Variants in FNDC9 observed in about 807,000 individuals in gnomAD.
The protein encoded by FNDC9 is fibronectin type III domain containing 9.
Under a neutral mutation model 9.0 loss-of-function variants are expected in FNDC9, and 3 were observed. The ratio of observed to expected loss-of-function variants is 0.33; its 90% confidence interval spans 0.15 to 0.86. The LOEUF (loss-of-function observed/expected upper bound fraction) is 0.86, where lower values mean the gene tolerates loss of function less well. FNDC9 is among the 40% of genes least tolerant of loss of function. The probability of loss-of-function intolerance (pLI) is 0.53; values close to 1 mark genes in which losing one functional copy is unlikely to be tolerated. For missense variants in FNDC9, 279 were observed against 287.2 expected, an observed-to-expected ratio of 0.97 and a Z score of 0.21; for synonymous variants, 114 against 115.6, an observed-to-expected ratio of 0.99 and a Z score of 0.09.
Position 157,343,098 on chromosome 5 carries a change from A to G in FNDC9, c.439T>C (p.Tyr147His), listed in dbSNP as rs1348700753. The G allele has an allele frequency of 4.3e-6, 7 of 1,614,084 alleles. No individual in the cohort carries two copies. Among genetic ancestry groups the G allele is most frequent in the Non-Finnish European group, 5.1e-6 (6 of 1,180,024 alleles). ...CVRCHEPRWS[Y>H]RAGHMEEANG... Reference sequence around the variant, plus strand: ...GCCTCCTCCATGTGGCCAGCCCTGTAAGACCATCGCGGCTCATGGCAACGG... The same window carrying G: ...GCCTCCTCCATGTGGCCAGCCCTGTGAGACCATCGCGGCTCATGGCAACGG... The change falls in exon 2 of 2, where the codon TAC becomes CAC. Residue 147 changes from tyrosine to histidine, a missense_variant. Physicochemically the swap from Tyr to His is moderately conservative, Grantham distance 83 (BLOSUM62 2). Coordinates refer to ENST00000312349, the MANE Select transcript of FNDC9 (RefSeq NM_001001343.4).
Position 157,343,281 on chromosome 5 carries a change from T to C in FNDC9, c.256A>G (p.Arg86Gly), listed in dbSNP as rs370475872. 6.2e-6 allele frequency: 10 copies of C among 1,614,016 alleles called. No individual in the cohort carries two copies. Among genetic ancestry groups the C allele is most frequent in the Non-Finnish European group, 8.5e-6 (10 of 1,180,022 alleles). The part of the protein sequence containing the change: ...ISCKKAAFPY[R>G]HYCTMFHTLD... ...GTGTGGAACATGGTGCAGTAGTGCC[T>C]GTAAGGGAAGGCAGCCTTCTTACAG... Residue 86 changes from arginine (R) to glycine (G), a missense_variant, in exon 2 of 2, where the codon AGG (arginine) becomes GGG (glycine). Physicochemically the swap from Arg to Gly is moderately radical, Grantham distance 125. Transcript: ENST00000312349.
Position 157,343,039 on chromosome 5 carries a change from C to A in FNDC9, c.498G>T (p.Pro166=), listed in dbSNP as rs540389707. 21 of 1,614,188 alleles carry A rather than the reference C, an allele frequency of 1.3e-5. No individual in the cohort carries two copies. In the East Asian group the frequency reaches 4.0e-4, roughly 31 times the overall value. Residue 166 remains proline, a synonymous_variant, in exon 2 of 2, where the codon CCG becomes CCT. Coordinates refer to ENST00000312349, the MANE Select transcript of FNDC9 (RefSeq NM_001001343.4). ...GGTCTTCCTCCCTCTGACCAAGATC[C>A]GGGGCCTCCTCTGGCCATCTCACCA... ...NGLVRWPEEA[P]DLGQREEDLQ... is the part of the protein sequence containing the mutation.
Position 157,342,874 on chromosome 5 carries a change from A to G in FNDC9, c.663T>C (p.His221=). Residue 221 remains histidine, a synonymous_variant, in exon 2 of 2, where the codon CAT becomes CAC. Transcript: ENST00000312349. The stretch of plus-strand genomic sequence containing the variant: ...CTCCTCCCCACTCTCATTCCCCACA[A>G]TGAGGCAGTATAGCGGGTGGGTCAC... ...GGGDPPAILP[H]CGE The G allele has an allele frequency of 6.2e-7, 1 of 1,612,236 alleles. No individual in the cohort carries two copies. The highest frequency in any genetic ancestry group is 1.1e-5 in the South Asian group (1 of 90,816).
rs1762313990 is a variant in FNDC9, at chr5:157,342,126, C to CTAAGTGATTATTT, written c.*735_*736insAAATAATCACTTA. 2 of 152,702 alleles carry CTAAGTGATTATTT rather than the reference C, an allele frequency of 1.3e-5. No individual in the cohort carries two copies. The highest frequency in any genetic ancestry group is 3.9e-4 in the East Asian group (2 of 5,188). 9.5% of individuals were successfully genotyped at this position (152,702 alleles called of 1,614,324 possible). A position where few individuals can be genotyped will look rare whatever the true frequency, so the allele number is the denominator to read the frequency against. ...CATTAAGCTCAGAATCACTGGCAGGCAATAGAAGCTAAGTCAGATTATTTA... is the reference window on the plus strand; with the variant it reads ...CATTAAGCTCAGAATCACTGGCAGGCTAAGTGATTATTTAATAGAAGCTAAGTCAGATTATTTA... On this transcript the variant is annotated 3_prime_UTR_variant, in exon 2 of 2. Transcript: ENST00000312349.
chr5:157,345,430 C>T (rs1417991345), intron 1 of FNDC9, 111 bp downstream of exon 1: 2 of 152,538 alleles, frequency 1.3e-5, no homozygotes, highest in African/African-American at 2.4e-5. Flanking sequence ...CCTCTGTTTC[C>T]GTTTCTAAAT....
In FNDC9 at chr5:157,342,994, C is replaced by T; in HGVS notation, c.543G>A (p.Val181=). ...CTCTGGAGTTCTTGCGTGGCATTTC[C>T]ACCAGGGGGAGCCCCTGCAGGTCTT... is the stretch of plus-strand genomic sequence containing the variant. ...REEDLQGLPL[V]EMPRKNSRDG... is the part of the protein sequence containing the mutation. The change falls in exon 2 of 2, where the codon GTG becomes GTA. Residue 181 remains valine (V), a synonymous_variant. Coordinates refer to ENST00000312349, the MANE Select transcript of FNDC9 (RefSeq NM_001001343.4). The T allele has an allele frequency of 6.2e-7, 1 of 1,614,230 alleles. No individual in the cohort carries two copies. The highest frequency in any genetic ancestry group is 1.7e-5 in the Admixed American group (1 of 60,026).
rs761546922 is a variant in FNDC9 at position 157,341,761 on chromosome 5, G to C, written c.*1101C>G. The C allele has an allele frequency of 6.4e-6, 1 of 155,722 alleles. No individual in the cohort carries two copies. The highest frequency in any genetic ancestry group is 2.0e-4 in the South Asian group (1 of 5,126). The allele number at this position is 155,722 out of a possible 1,614,324, so 9.6% of individuals were successfully genotyped here. A position where few individuals can be genotyped will look rare whatever the true frequency, so the allele number is the denominator to read the frequency against. ...TTCTTAGTTGATTCACTGCAGTGTC[G>C]TCCTGTGATTCTGGGATTTTGTGCT... On this transcript the variant is annotated 3_prime_UTR_variant, in exon 2 of 2. Transcript: ENST00000312349.
chr5:157,342,825 T>G lies in FNDC9; in HGVS notation c.*37A>C. ...ACAAACGACCTACTGTGTGGAAAGCTTTAGGCTACATGATGCGGGCGCTCT... is the reference window on the plus strand; with the variant it reads ...ACAAACGACCTACTGTGTGGAAAGCGTTAGGCTACATGATGCGGGCGCTCT... On this transcript the variant is annotated 3_prime_UTR_variant, in exon 2 of 2. Coordinates refer to ENST00000312349, the MANE Select transcript of FNDC9 (RefSeq NM_001001343.4). The G allele has an allele frequency of 6.4e-7, 1 of 1,573,910 alleles. No individual in the cohort carries two copies. Among genetic ancestry groups the G allele is most frequent in the Non-Finnish European group, 8.6e-7 (1 of 1,159,502 alleles).
In FNDC9 at chr5:157,343,561, G is replaced by A; in HGVS notation, c.-7-18C>T. 1 of 1,520,564 alleles carries A rather than the reference G, an allele frequency of 6.6e-7. No homozygotes were observed. The highest frequency in any genetic ancestry group is 2.3e-5 in the East Asian group (1 of 43,998). The allele number at this position is 1,520,564 out of a possible 1,614,324, so 94.2% of individuals were successfully genotyped here. A position where few individuals can be genotyped will look rare whatever the true frequency, so the allele number is the denominator to read the frequency against. On this transcript the variant is annotated intron_variant, in intron 1 of 1. Transcript: ENST00000312349. ...TCCCGATTCTGGAACCAGAATCAAA[G>A]TGAAGAGTGACATCCCCTGATTTAA...
At position 157,343,523 on chromosome 5, in the gene FNDC9, A is replaced by C; in HGVS notation, c.14T>G (p.Val5Gly). Reference sequence around the variant, plus strand: ...GGCTCCTGTATAAGAAATGTTCCCCACCTCGATGTTCATCCCGATTCTGGA... The same window carrying C: ...GGCTCCTGTATAAGAAATGTTCCCCCCCTCGATGTTCATCCCGATTCTGGA... MNIE[V>G]GNISYTGAII... The change falls in exon 2 of 2, where the codon GTG becomes GGG. Residue 5 changes from valine to glycine, a missense_variant. Physicochemically the swap from Val to Gly is moderately radical, Grantham distance 109. Coordinates refer to ENST00000312349, the MANE Select transcript of FNDC9 (RefSeq NM_001001343.4). The C allele has an allele frequency of 6.4e-7, 1 of 1,559,790 alleles. No homozygotes were observed. The highest frequency in any genetic ancestry group is 8.7e-7 in the Non-Finnish European group (1 of 1,148,842).
Position 157,343,454 on chromosome 5 carries a change from T to C in FNDC9, c.83A>G (p.Tyr28Cys). 1 of 1,612,614 alleles carries C rather than the reference T, an allele frequency of 6.2e-7. No homozygotes were observed. Among genetic ancestry groups the C allele is most frequent in the Non-Finnish European group, 8.5e-7 (1 of 1,178,782 alleles). Reference sequence around the variant, plus strand: ...CCAGTTGGGCCTGTACATAATATGGTAATAGTCCTCCAGGCAGGGCTCCGA... The same window carrying C: ...CCAGTTGGGCCTGTACATAATATGGCAATAGTCCTCCAGGCAGGGCTCCGA... ...SSSEPCLEDYYHIMYRPNWNS... is the reference protein window; with the variant it reads ...SSSEPCLEDYCHIMYRPNWNS... The change falls in exon 2 of 2, where the codon TAC (tyrosine) becomes TGC (cysteine). Residue 28 changes from tyrosine to cysteine, a missense_variant. Transcript: ENST00000312349.
Position 157,343,634 on chromosome 5 carries a change from C to T in FNDC9, c.-7-91G>A, listed in dbSNP as rs78553777. 643 of 1,030,036 alleles carry T rather than the reference C, an allele frequency of 6.2e-4. 5 individuals carry two copies. In the East Asian group the frequency reaches 0.012, roughly 19 times the overall value. The allele number at this position is 1,030,036 out of a possible 1,614,324, so 63.8% of individuals were successfully genotyped here. A position where few individuals can be genotyped will look rare whatever the true frequency, so the allele number is the denominator to read the frequency against. ...GCCACCATTTATTGCACATTTGAGA[C>T]GGGCACTCATGTTGCCCTCATCTTA... On this transcript the variant is annotated intron_variant, in intron 1 of 1. Transcript: ENST00000312349.
rs941505970 is a variant in FNDC9, at chr5:157,345,525, C to T, written c.-8+16G>A. ...AGCCATTTCCATTTCCAAGAAGAGC[C>T]ATCTATATGTCTTACCTGATGCTTG... On this transcript the variant is annotated intron_variant, in intron 1 of 1. Coordinates refer to ENST00000312349, the MANE Select transcript of FNDC9 (RefSeq NM_001001343.4). 5 of 152,594 alleles carry T rather than the reference C, an allele frequency of 3.3e-5. No homozygotes were observed. Among genetic ancestry groups the T allele is most frequent in the Non-Finnish European group, 7.3e-5 (5 of 68,048 alleles). 9.5% of individuals were successfully genotyped at this position (152,594 alleles called of 1,614,324 possible). A position where few individuals can be genotyped will look rare whatever the true frequency, so the allele number is the denominator to read the frequency against.
rs1192324416 is a variant in FNDC9, at chr5:157,343,172, G to A, written c.365C>T (p.Ala122Val). 6.2e-7 allele frequency: 1 copy of A among 1,614,118 alleles called. No individual in the cohort carries two copies. The highest frequency in any genetic ancestry group is 1.7e-5 in the Admixed American group (1 of 60,014). The change falls in exon 2 of 2, where the codon GCC becomes GTC. Residue 122 changes from alanine (A) to valine (V), a missense_variant. Physicochemically the swap from Ala to Val is moderately conservative, Grantham distance 64. Coordinates refer to ENST00000312349, the MANE Select transcript of FNDC9 (RefSeq NM_001001343.4). ...GAAGGCCAAGACGGCTGTGAAGCAG[G>A]CCAGCAGAATGGCCATCAGCACCCA... ...SLWVLMAILL[A>V]CFTAVLAFIC...
rs74356688 is a variant in FNDC9 at position 157,341,958 on chromosome 5, G to A, written c.*904C>T. ...CATGGCATTTAACTAACACTGACTC[G>A]CAAAGTAAAAACAGCACTTCCCTTT... is the stretch of plus-strand genomic sequence containing the variant. On this transcript the variant is annotated 3_prime_UTR_variant, in exon 2 of 2. Transcript: ENST00000312349. 0.031 allele frequency: 4,703 copies of A among 152,384 alleles called. 108 individuals are homozygous for A. Among genetic ancestry groups the A allele is most frequent in the South Asian group, 0.05 (242 of 4,820 alleles). 9.4% of individuals were successfully genotyped at this position (152,384 alleles called of 1,614,324 possible). A position where few individuals can be genotyped will look rare whatever the true frequency, so the allele number is the denominator to read the frequency against.
At position 157,342,997 on chromosome 5, in the gene FNDC9, C is replaced by A. The variant is rs1288739840; in HGVS notation, c.540G>T (p.Leu180=). Residue 180 remains leucine (L), a synonymous_variant, in exon 2 of 2, where the codon CTG becomes CTT. Transcript: ENST00000312349. ...TGGAGTTCTTGCGTGGCATTTCCAC[C>A]AGGGGGAGCCCCTGCAGGTCTTCCT... ...QREEDLQGLP[L]VEMPRKNSRD... is the part of the protein sequence containing the mutation. The A allele has an allele frequency of 6.2e-7, 1 of 1,614,206 alleles. No individual in the cohort carries two copies. Among genetic ancestry groups the A allele is most frequent in the Non-Finnish European group, 8.5e-7 (1 of 1,180,040 alleles).
chr5:157,341,689 G>T lies in FNDC9; in HGVS notation c.*1173C>A, dbSNP rs1314343949. The T allele has an allele frequency of 6.3e-6, 1 of 157,988 alleles. No homozygotes were observed. Among genetic ancestry groups the T allele is most frequent in the Non-Finnish European group, 1.4e-5 (1 of 71,502 alleles). 9.8% of individuals were successfully genotyped at this position (157,988 alleles called of 1,614,324 possible). On this transcript the variant is annotated 3_prime_UTR_variant, in exon 2 of 2. Transcript: ENST00000312349. ...CAGGGAATGCATGAGGTAGGCAAGG[G>T]AATAGGGATGTGGGGCTTCTCGTCT...
In FNDC9 at chr5:157,342,234, G is replaced by A. The variant is rs1762321985; in HGVS notation, c.*628C>T. ...GGAGGGTGCTGGTTTTTCACTTATG[G>A]AGTAATATAAGGCTGTCTTTGAAAA... is the stretch of plus-strand genomic sequence containing the variant. On this transcript the variant is annotated 3_prime_UTR_variant, in exon 2 of 2. Transcript: ENST00000312349. 1 of 152,528 alleles carries A rather than the reference G, an allele frequency of 6.6e-6. No individual in the cohort carries two copies. Among genetic ancestry groups the A allele is most frequent in the African/African-American group, 2.4e-5 (1 of 41,398 alleles). The allele number at this position is 152,528 out of a possible 1,614,324, so 9.4% of individuals were successfully genotyped here.
chr5:157,345,384 T>C (rs1762603335), intron 1 of FNDC9, 157 bp downstream of exon 1: 2 of 152,654 alleles, frequency 1.3e-5, no homozygotes, highest in Admixed American at 6.5e-5. Context: ...TCCTCACCTT[T>C]TAGGACCAGG....
Sources: gnomAD v4.1 joint callset for allele counts on GRCh38, gnomAD v4.1.1 for gene constraint, MANE v1.5 for transcripts, NCBI Gene and HGNC (gene_info 2026-07-23, HGNC 2026-07-21) for gene names.